The following CTNNA2 variants were observed in gnomAD, a reference collection of about 807,000 sequenced individuals.
The protein encoded by CTNNA2 is catenin alpha 2, also known as catenin alpha-2.
In CTNNA2, 42 loss-of-function variants were observed where a neutral mutation model predicts 101.0. The observed-to-expected ratio is 0.42, with a 90% CI of 0.32 to 0.54. The LOEUF is 0.54. Ranked by LOEUF, CTNNA2 falls within the 20% of genes least tolerant of loss-of-function variation. CTNNA2 has a pLI of 0.14. For synonymous variants in CTNNA2, 450 were observed against 456.4 expected (o/e 0.99, Z 0.18); for missense variants, 871 against 1,223.1 (o/e 0.71, Z 4.29).
intron 9 of CTNNA2, among the ~76,000 whole-genome samples, chr2:80,486,043 A>C (rs920172864): frequency 1.1e-4 from 17 of 152,306 alleles, no homozygotes; most frequent in African/African-American, 3.8e-4. Context: ...AGACTCTGTA[A>C]AGATGCATTT....
intron 7 of CTNNA2, among the ~76,000 whole-genome samples, chr2:80,245,484 G>A (rs977554771): frequency 7.2e-5 from 11 of 152,152 alleles, no homozygotes; most frequent in Admixed American, 1.3e-4. Flanking sequence ...TATATAACCA[G>A]TCTTCTATTA....
chr2:79,231,810 G>A (rs1036043291), intron 2 of CTNNA2, among the ~76,000 whole-genome samples: 4 of 149,472 alleles, frequency 2.7e-5, no homozygotes, highest in East Asian at 4.1e-4. Flanking sequence ...ATTTCATTTC[G>A]TTTGTGGTTA....
chr2:79,923,650 T>C (rs552875961), intron 7 of CTNNA2, among the ~76,000 whole-genome samples: 1 of 152,262 alleles, frequency 6.6e-6, no homozygotes, highest in African/African-American at 2.4e-5. Context: ...TTAACTATTG[T>C]ACTGTGTAAC....
At chr2:79,521,572 G>A (rs930533071) in intron 1 of CTNNA2, among the ~76,000 whole-genome samples, 1 of 152,170 alleles carries the variant, frequency 6.6e-6, no homozygotes, top group African/African-American at 2.4e-5. Flanking sequence ...CTGGGACTAT[G>A]TATGGGATTA....
At chr2:80,610,793 A>T (rs1053508951) in intron 17 of CTNNA2, among the ~76,000 whole-genome samples, 2 of 151,670 alleles carry the variant, frequency 1.3e-5, no homozygotes, top group Non-Finnish European at 3.0e-5. Context: ...TATGTATACA[A>T]ACTGAGAAAG....
At chr2:79,821,051 A>C (rs1478837701) in intron 3 of CTNNA2, among the ~76,000 whole-genome samples, 1 of 152,192 alleles carries the variant, frequency 6.6e-6, no homozygotes, top group Non-Finnish European at 1.5e-5. Context: ...AATGGCACAA[A>C]AATTGGTAAC....
At chr2:80,329,738 G>A (rs1037065415) in intron 7 of CTNNA2, among the ~76,000 whole-genome samples, 1 of 152,336 alleles carries the variant, frequency 6.6e-6, no homozygotes, top group Middle Eastern at 3.4e-3. Context: ...CAAGTTGTGT[G>A]AGGTAAAAGG....
chr2:79,484,265 T>A (rs546325107), intron 4 of CTNNA2, among the ~76,000 whole-genome samples: 1 of 151,556 alleles, frequency 6.6e-6, no homozygotes, highest in South Asian at 2.1e-4. Flanking sequence ...AAATAAAATA[T>A]AAATGTTAAT....
At chr2:79,578,267 T>C (rs540546889) in intron 1 of CTNNA2, among the ~76,000 whole-genome samples, 12 of 152,320 alleles carry the variant, frequency 7.9e-5, no homozygotes, top group Middle Eastern at 3.4e-3. Flanking sequence ...AGAATTTCAT[T>C]ATATTTTCAA....
intron 7 of CTNNA2, among the ~76,000 whole-genome samples, chr2:80,010,450 C>T (rs1197749425): frequency 1.3e-5 from 2 of 152,014 alleles, no homozygotes; most frequent in African/African-American, 4.8e-5. Context: ...GGACTACAGG[C>T]ACGTGCCACC....
At chr2:80,317,085 A>G (rs531225039) in intron 7 of CTNNA2, among the ~76,000 whole-genome samples, 1 of 152,228 alleles carries the variant, frequency 6.6e-6, no homozygotes, top group Admixed American at 6.5e-5. Context: ...AGAGAACAGA[A>G]GGTGCCAAGG....
At chr2:79,194,084 G>A (rs1485152285) in intron 1 of CTNNA2, among the ~76,000 whole-genome samples, 1 of 152,076 alleles carries the variant, frequency 6.6e-6, no homozygotes, top group Non-Finnish European at 1.5e-5. Flanking sequence ...TTATGTATTC[G>A]GAGGCATGAA....
chr2:79,821,848 A>G (rs925772166), intron 3 of CTNNA2, among the ~76,000 whole-genome samples: 1 of 152,210 alleles, frequency 6.6e-6, no homozygotes, highest in African/African-American at 2.4e-5. Context: ...ATTAGAGAGT[A>G]GCTTGAATTG....
At chr2:80,224,956 G>A (rs1008962493) in intron 7 of CTNNA2, among the ~76,000 whole-genome samples, 1 of 152,082 alleles carries the variant, frequency 6.6e-6, no homozygotes, top group Non-Finnish European at 1.5e-5. Flanking sequence ...TTCTGTGCAG[G>A]ATAAATAGCT....
chr2:79,994,045 C>G (rs1187020914), intron 7 of CTNNA2, among the ~76,000 whole-genome samples: 1 of 152,006 alleles, frequency 6.6e-6, no homozygotes, highest in Admixed American at 6.6e-5. Flanking sequence ...GTAGCTGAGA[C>G]CAGAGGTGTG....
intron 2 of CTNNA2, among the ~76,000 whole-genome samples, chr2:79,254,871 G>A (rs556016909): frequency 1.3e-5 from 2 of 152,168 alleles, no homozygotes; most frequent in South Asian, 4.1e-4. Context: ...AAATAGGAAG[G>A]AAATCCTTTG....
chr2:80,341,388 C>T (rs550477387), intron 7 of CTNNA2, among the ~76,000 whole-genome samples: 37 of 152,106 alleles, frequency 2.4e-4, no homozygotes, highest in Admixed American at 4.6e-4. Flanking sequence ...AGCTTCCAAG[C>T]GTTTTAGAAG....
At chr2:80,590,454 C>T (rs1011300315) in intron 15 of CTNNA2, among the ~76,000 whole-genome samples, 22 of 108,654 alleles carry the variant, frequency 2.0e-4, no homozygotes, top group Non-Finnish European at 2.7e-4. Context: ...CTGGAAAACA[C>T]ACATATGCAA....
intron 9 of CTNNA2, among the ~76,000 whole-genome samples, chr2:80,512,531 A>T (rs907335515): frequency 8.5e-5 from 13 of 152,208 alleles, no homozygotes; most frequent in African/African-American, 3.1e-4. Context: ...TGTATAGAAG[A>T]TGAAAGAAGA....
Sources: allele counts gnomAD v4.1 joint callset (sites outside exome capture counted in the v4.1 genomes callset), GRCh38; gene constraint gnomAD v4.1.1; transcripts MANE v1.5; gene names NCBI Gene and HGNC (gene_info 2026-07-23, HGNC 2026-07-21).